DPYSL4: variants seen among roughly 807,000 people sequenced by gnomAD.
The protein encoded by DPYSL4 is dihydropyrimidinase like 4.
A neutral mutation model predicts 63.4 loss-of-function variants in DPYSL4; 43 were observed. That is an observed-to-expected ratio of 0.68 (90% CI 0.53 to 0.88). DPYSL4 has a LOEUF of 0.88. DPYSL4 is among the 40% of genes least tolerant of loss of function. DPYSL4 has a pLI of 0.00. For missense variants in DPYSL4, 733 were observed against 819.5 expected (o/e 0.89, Z 1.29); for synonymous variants, 353 against 331.7 (o/e 1.06, Z -0.70).
Position 132,205,568 on chromosome 10 carries a change from G to GGAA in DPYSL4, c.*640_*642dup, listed in dbSNP as rs2062086626. 6.6e-6 allele frequency: 1 copy of GGAA among 152,504 alleles called. No homozygotes were observed. Among genetic ancestry groups the GGAA allele is most frequent in the Non-Finnish European group, 1.5e-5 (1 of 68,120 alleles). 9.4% of individuals were successfully genotyped at this position (152,504 alleles called of 1,614,324 possible). On this transcript the variant is annotated 3_prime_UTR_variant, in exon 14 of 14. Transcript: ENST00000338492. ...AAGCTTCCATGTAGCCCTCATCCAG[G>GGAA]GAAGTTTTGCGATCCTTTAGGAAGA...
intron 8 of DPYSL4, 135 bp downstream of exon 8, chr10:132,199,106 G>A: frequency 7.6e-7 from 1 of 1,315,308 alleles, no homozygotes; most frequent in Non-Finnish European, 1.0e-6. Flanking sequence ...GCATCGGGGT[G>A]GGGCACTGGA....
At chr10:132,198,351 C>A in intron 6 of DPYSL4, 64 bp from the exon 7 acceptor site, 1 of 1,517,682 alleles carries the variant, frequency 6.6e-7, no homozygotes, top group Non-Finnish European at 9.0e-7. Context: ...CAGCCTTGGG[C>A]TTAGCATCCA....
Position 132,203,913 on chromosome 10 carries a change from G to T in DPYSL4, c.1613G>T (p.Gly538Val). 6.2e-7 allele frequency: 1 copy of T among 1,603,106 alleles called. No homozygotes were observed. The highest frequency in any genetic ancestry group is 8.5e-7 in the Non-Finnish European group (1 of 1,171,782). Residue 538 changes from glycine to valine, a missense_variant, in exon 13 of 14, where the codon GGG (glycine) becomes GTG (valine). By Grantham distance (109) the Gly-to-Val change is moderately radical (BLOSUM62 -3). Transcript: ENST00000338492. ...CCTGTGCGCAACCTACATCAGTCGG[G>T]GTTCAGCCTATCTGGTGAGTTGGGC... ...VPPVRNLHQS[G>V]FSLSGSQADD... is the part of the protein sequence containing the mutation.
chr10:132,197,062 G>A lies in DPYSL4; in HGVS notation c.582G>A (p.Leu194=). ...IFSIIRDLGA[L]AQVHAENGDI... is the part of the protein sequence containing the mutation. ...GCATCATCCGGGACCTGGGGGCCTT[G>A]GCCCAGGTGCACGCTGAGAACGGGG... Residue 194 remains leucine, a synonymous_variant, in exon 6 of 14, where the codon TTG becomes TTA. Transcript: ENST00000338492. 1 of 1,573,024 alleles carries A rather than the reference G, an allele frequency of 6.4e-7. No homozygotes were observed. Among genetic ancestry groups the A allele is most frequent in the Non-Finnish European group, 8.6e-7 (1 of 1,157,886 alleles).
intron 8 of DPYSL4, 32 bp from the exon 9 acceptor site, chr10:132,200,324 G>A: frequency 6.2e-7 from 1 of 1,610,754 alleles, no homozygotes; most frequent in Non-Finnish European, 8.5e-7. Context: ...CAGGTGGTCG[G>A]TGGGGCACCT....
chr10:132,205,480 A>G lies in DPYSL4; in HGVS notation c.*550A>G, dbSNP rs41290017. 5.9e-3 allele frequency: 901 copies of G among 152,948 alleles called. 8 individuals are homozygous for G. Among genetic ancestry groups the G allele is most frequent in the Admixed American group, 0.012 (177 of 15,340 alleles). The allele number at this position is 152,948 out of a possible 1,614,324, so 9.5% of individuals were successfully genotyped here. On this transcript the variant is annotated 3_prime_UTR_variant, in exon 14 of 14. Coordinates refer to ENST00000338492, the MANE Select transcript of DPYSL4 (RefSeq NM_006426.3). ...TGCTGAGACTTCAGGGACCCATCAG[A>G]ACTTGGTGCAGCACAGCCCCGCCCG...
chr10:132,186,996 C>CGGGGGGGGGGGGGGGGG lies in DPYSL4; in HGVS notation c.-68_-67insGGGGGGGGGGGGGGGGG. On this transcript the variant is annotated 5_prime_UTR_variant, in exon 1 of 14. Transcript: ENST00000338492. ...ACGCACGCGTCCCGGCTCACGCGTC[C>CGGGGGGGGGGGGGGGGG]CCCCGCCCGCCCGCCCGCCCGCCCG... 4 of 37,600 alleles carry CGGGGGGGGGGGGGGGGG rather than the reference C, an allele frequency of 1.1e-4. No individual in the cohort carries two copies. Among genetic ancestry groups the CGGGGGGGGGGGGGGGGG allele is most frequent in the Non-Finnish European group, 2.0e-4 (4 of 20,070 alleles). The allele number at this position is 37,600 out of a possible 1,614,324, so 2.3% of individuals were successfully genotyped here.
chr10:132,193,787 G>T (rs930108860), intron 3 of DPYSL4, among the ~76,000 whole-genome samples: 6 of 152,256 alleles, frequency 3.9e-5, no homozygotes, highest in Non-Finnish European at 8.8e-5. Flanking sequence ...CACGTCAGTT[G>T]CTTTGTGTCC....
chr10:132,197,102 G>C lies in DPYSL4; in HGVS notation c.621+1G>C. 3.3e-6 allele frequency: 5 copies of C among 1,506,216 alleles called. No individual in the cohort carries two copies. Among genetic ancestry groups the C allele is most frequent in the Non-Finnish European group, 4.5e-6 (5 of 1,123,524 alleles). 93.3% of individuals were successfully genotyped at this position (1,506,216 alleles called of 1,614,324 possible). A position where few individuals can be genotyped will look rare whatever the true frequency, so the allele number is the denominator to read the frequency against. ...TGAGAACGGGGACATCGTGGAGGAG[G>C]TGCCGTGGGGCAGGGCTGCCGTGGG... On this transcript the variant is annotated splice_donor_variant, in intron 6 of 13. Coordinates refer to ENST00000338492, the MANE Select transcript of DPYSL4 (RefSeq NM_006426.3). LOFTEE classifies it high-confidence loss of function.
chr10:132,203,352 G>A (rs371805172), intron 12 of DPYSL4, among the ~76,000 whole-genome samples: 4 of 152,132 alleles, frequency 2.6e-5, no homozygotes, highest in African/African-American at 9.7e-5. Context: ...CGTGTCTGAC[G>A]GTGCAGCAGG....
intron 1 of DPYSL4, among the ~76,000 whole-genome samples, chr10:132,189,916 C>T (rs565461490): frequency 6.6e-6 from 1 of 152,220 alleles, no homozygotes; most frequent in South Asian, 2.1e-4. Context: ...CTCTGGGCAC[C>T]GACTTGCCTC....
intron 12 of DPYSL4, chr10:132,203,534 C>G (rs1278536200): frequency 3.6e-6 from 2 of 549,354 alleles, no homozygotes; most frequent in East Asian, 5.6e-5. Flanking sequence ...GGACCGCAGG[C>G]GGGCATTATA....
At position 132,197,422 on chromosome 10, in the gene DPYSL4, G is replaced by A. The variant is rs987781941; in HGVS notation, c.621+321G>A. Among the ~76,000 whole-genome samples, 7 of 152,246 alleles carry A rather than the reference G, an allele frequency of 4.6e-5. No homozygotes were observed. In the South Asian group the frequency reaches 6.2e-4, roughly 13 times the overall value. ...CCTCCTGTGGAGCGGGGTACCCGCT[G>A]GGGGTTGGGTTACCACCTTCCTTCC... On this transcript the variant is annotated intron_variant, in intron 6 of 13. Transcript: ENST00000338492.
Position 132,202,723 on chromosome 10 carries a change from G to A in DPYSL4, c.1359G>A (p.Ala453=), listed in dbSNP as rs148201353. Residue 453 remains alanine, a synonymous_variant, in exon 12 of 14, where the codon GCG becomes GCA. Coordinates refer to ENST00000338492, the MANE Select transcript of DPYSL4 (RefSeq NM_006426.3). ...TGGTCATAAGTCAGGGCCGAGTGGC[G>A]CTGGAGGACGGGAAGATGTTTGTCA... ...PAVVISQGRV[A]LEDGKMFVTP... is the part of the protein sequence containing the mutation. 1.8e-4 allele frequency: 285 copies of A among 1,613,454 alleles called. 3 individuals carry two copies. In the African/African-American group the frequency reaches 3.4e-3, roughly 19 times the overall value.
At chr10:132,193,637 G>A (rs1486817296) in intron 3 of DPYSL4, among the ~76,000 whole-genome samples, 1 of 152,244 alleles carries the variant, frequency 6.6e-6, no homozygotes, top group African/African-American at 2.4e-5. Flanking sequence ...CGGGTCTGAG[G>A]AGCCTAGCTG....
rs1352115553 is a variant in DPYSL4, at chr10:132,187,063, G to T, written c.-1G>T. On this transcript the variant is annotated 5_prime_UTR_variant, in exon 1 of 14. Transcript: ENST00000338492. ...CCCTACCAGAGACCCCCAGGAGCAG[G>T]ATGTCCTTCCAGGGCAAGAAAAGCA... 1.6e-6 allele frequency: 2 copies of T among 1,287,046 alleles called. No individual in the cohort carries two copies. The highest frequency in any genetic ancestry group is 2.6e-5 in the South Asian group (2 of 75,822). The allele number at this position is 1,287,046 out of a possible 1,614,324, so 79.7% of individuals were successfully genotyped here. A position where few individuals can be genotyped will look rare whatever the true frequency, so the allele number is the denominator to read the frequency against.
intron 12 of DPYSL4, among the ~76,000 whole-genome samples, chr10:132,203,121 G>A (rs2062042005): frequency 6.6e-6 from 1 of 152,248 alleles, no homozygotes; most frequent in Non-Finnish European, 1.5e-5. Context: ...AGAAAATACA[G>A]ATATAAAGTG....
At chr10:132,202,166 C>G in intron 11 of DPYSL4, 50 bp downstream of exon 11, 3 of 1,577,670 alleles carry the variant, frequency 1.9e-6, no homozygotes, top group Non-Finnish European at 2.6e-6. Flanking sequence ...GGGCCGGGAC[C>G]CCAGGGCAGC....
At chr10:132,192,448 G>GCGTGA in intron 2 of DPYSL4, 1 of 1,242,410 alleles carries the variant, frequency 8.0e-7, no homozygotes. Context: ...GCGTGAGGCT[G>GCGTGA]GACCCTGCAG....
Sources: allele counts gnomAD v4.1 joint callset (sites outside exome capture counted in the v4.1 genomes callset), GRCh38; gene constraint gnomAD v4.1.1; transcripts MANE v1.5; gene names NCBI Gene and HGNC (gene_info 2026-07-23, HGNC 2026-07-21).